Variants in INSC observed in about 807,000 individuals in gnomAD.
INSC encodes protein inscuteable homolog.
In INSC, 67 loss-of-function variants were observed where a neutral mutation model predicts 58.6. That is an observed-to-expected ratio of 1.14 (90% confidence interval 0.94 to 1.40). INSC has a LOEUF of 1.40. Among genes scored for constraint, INSC ranks in the 40% most tolerant of loss-of-function variants. The pLI is 0.00. For synonymous variants in INSC, 262 were observed against 276.1 expected (o/e 0.95, Z 0.51); for missense variants, 714 against 692.0 (o/e 1.03, Z -0.36).
chr11:15,190,978 ATTTTTTTTT>A (rs5789865), intron 6 of INSC, among the ~76,000 whole-genome samples, 164 bp downstream of exon 6: 1 of 128,660 alleles, frequency 7.8e-6, no homozygotes, highest in African/African-American at 3.0e-5. Flanking sequence ...TGGTGTGTGC[ATTTTTTTTT>A]TTTTTTTTTT....
chr11:15,163,696 C>T (rs571319886), intron 2 of INSC, among the ~76,000 whole-genome samples: 10 of 152,262 alleles, frequency 6.6e-5, no homozygotes, highest in African/African-American at 2.4e-4. Context: ...TGGGTTCAAG[C>T]GATTCCCCTG....
At chr11:15,196,957 C>T (rs1262397300) in intron 6 of INSC, among the ~76,000 whole-genome samples, 1 of 152,188 alleles carries the variant, frequency 6.6e-6, no homozygotes, top group Non-Finnish European at 1.5e-5. Context: ...CCTCCTCTTC[C>T]TCTTCCTCCC....
chr11:15,237,263 G>C (rs1852167257), intron 10 of INSC, among the ~76,000 whole-genome samples: 1 of 152,180 alleles, frequency 6.6e-6, no homozygotes, highest in African/African-American at 2.4e-5. Context: ...ATCTACAATA[G>C]AATAATGCAA....
At chr11:15,121,240 C>T (rs548778046) in intron 1 of INSC, among the ~76,000 whole-genome samples, 1 of 152,276 alleles carries the variant, frequency 6.6e-6, no homozygotes, top group South Asian at 2.1e-4. Flanking sequence ...AGTTAGGATC[C>T]AATCCATAGA....
intron 2 of INSC, among the ~76,000 whole-genome samples, chr11:15,159,548 G>A (rs1848941552): frequency 6.6e-6 from 1 of 152,206 alleles, no homozygotes; most frequent in South Asian, 2.1e-4. Flanking sequence ...GGATGTGTGT[G>A]TAAGAATGCA....
At chr11:15,235,779 G>A (rs147458116) in intron 10 of INSC, 111 bp downstream of exon 10, 22 of 942,450 alleles carry the variant, frequency 2.3e-5, no homozygotes, top group African/African-American at 1.4e-4. Flanking sequence ...ACATGTGGCC[G>A]GGCGCAGGAA....
At chr11:15,150,001 C>T (rs1276915204) in intron 2 of INSC, among the ~76,000 whole-genome samples, 1 of 152,236 alleles carries the variant, frequency 6.6e-6, no homozygotes, top group Non-Finnish European at 1.5e-5. Flanking sequence ...GACTTAACAT[C>T]AGGAATTATG....
At chr11:15,235,739 G>A in intron 10 of INSC, 71 bp downstream of exon 10, 2 of 1,251,850 alleles carry the variant, frequency 1.6e-6, no homozygotes, top group Non-Finnish European at 2.3e-6. Context: ...TTGTGCTTGT[G>A]TGAATGCCTG....
At chr11:15,210,755 C>T (rs1239075150) in intron 7 of INSC, among the ~76,000 whole-genome samples, 3 of 152,000 alleles carry the variant, frequency 2.0e-5, no homozygotes, top group Non-Finnish European at 4.4e-5. Flanking sequence ...TCAGCCACCC[C>T]TGAGTGCTTC....
intron 2 of INSC, among the ~76,000 whole-genome samples, chr11:15,172,467 A>C (rs1047414591): frequency 6.6e-6 from 1 of 152,194 alleles, no homozygotes; most frequent in African/African-American, 2.4e-5. Flanking sequence ...AGCCAGGCAC[A>C]AGAGACTGTT....
chr11:15,265,047 A>G, the INSC span, among the ~76,000 whole-genome samples: 1 of 152,172 alleles, frequency 6.6e-6, no homozygotes, highest in African/African-American at 2.4e-5. Context: ...TGACCCAAGA[A>G]AAAAGGTCTG....
intron 7 of INSC, among the ~76,000 whole-genome samples, chr11:15,202,489 TGAGA>T (rs201546240): frequency 1.3e-5 from 2 of 151,974 alleles, no homozygotes; most frequent in Non-Finnish European, 2.9e-5. Flanking sequence ...GAGAGGATGG[TGAGA>T]GAGAGAGGGA....
chr11:15,161,763 G>A (rs1468867337), intron 2 of INSC, among the ~76,000 whole-genome samples: 1 of 152,210 alleles, frequency 6.6e-6, no homozygotes, highest in Admixed American at 6.5e-5. Flanking sequence ...TAAGGCCTAT[G>A]CTGATGCAGC....
At chr11:15,212,758 A>G (rs547687266) in intron 7 of INSC, among the ~76,000 whole-genome samples, 3 of 152,334 alleles carry the variant, frequency 2.0e-5, no homozygotes, top group South Asian at 2.1e-4. Context: ...AGAGTTTTCT[A>G]TGTACACAAT....
At chr11:15,214,797 G>A (rs1310609951) in intron 7 of INSC, among the ~76,000 whole-genome samples, 1 of 152,180 alleles carries the variant, frequency 6.6e-6, no homozygotes, top group Non-Finnish European at 1.5e-5. Flanking sequence ...TATTTTGGGA[G>A]TGGGTTAGAT....
chr11:15,149,032 TTGTC>T (rs1848564850), intron 1 of INSC, 94 bp from the exon 2 acceptor site: 1 of 1,380,368 alleles, frequency 7.2e-7, no homozygotes, highest in Non-Finnish European at 9.5e-7. Context: ...TCTTACCTCT[TTGTC>T]TGCTTTGGTT....
At chr11:15,169,127 G>A (rs973895303) in intron 2 of INSC, among the ~76,000 whole-genome samples, 2 of 152,072 alleles carry the variant, frequency 1.3e-5, no homozygotes, top group African/African-American at 2.4e-5. Flanking sequence ...GTGGCTCAAG[G>A]CCTGTCTGTT....
the INSC span, among the ~76,000 whole-genome samples, chr11:15,263,644 A>G: frequency 6.6e-6 from 1 of 152,152 alleles, no homozygotes; most frequent in Non-Finnish European, 1.5e-5. Flanking sequence ...AAAAACACAC[A>G]AATGTAGTAT....
In INSC at chr11:15,240,495, G is replaced by T; in HGVS notation, c.1442G>T (p.Ser481Ile). 6.2e-7 allele frequency: 1 copy of T among 1,613,926 alleles called. No homozygotes were observed. The highest frequency in any genetic ancestry group is 8.5e-7 in the Non-Finnish European group (1 of 1,179,944). ...ELCRSPSERN[S>I]SDAVLVACLA... ...TGCAGATCCCCATCAGAGAGGAACA[G>T]CAGTGACGCCGTGCTTGTGGCCTGC... Residue 481 changes from serine (S) to isoleucine (I), a missense_variant, in exon 12 of 13, where the codon AGC (serine) becomes ATC (isoleucine). Coordinates refer to ENST00000379556, the MANE Select transcript of INSC (RefSeq NM_001042536.3).
Sources: allele counts gnomAD v4.1 joint callset (sites outside exome capture counted in the v4.1 genomes callset), GRCh38; gene constraint gnomAD v4.1.1; transcripts MANE v1.5; gene names NCBI Gene and HGNC (gene_info 2026-07-23, HGNC 2026-07-21).